The following P2RX6 variants were observed in gnomAD, a reference collection of about 807,000 sequenced individuals.
The protein encoded by P2RX6 is P2X purinoceptor 6.
A neutral mutation model predicts 54.2 loss-of-function variants in P2RX6; 62 were observed. That is an observed-to-expected ratio of 1.14 (90% CI 0.93 to 1.41). P2RX6 has a LOEUF of 1.41. Among genes scored for constraint, P2RX6 ranks in the 40% most tolerant of loss-of-function variants. P2RX6 has a pLI of 0.00. For missense variants in P2RX6, 541 were observed against 566.3 expected, an observed-to-expected ratio of 0.96 and a Z score of 0.45; for synonymous variants, 211 against 231.9, an observed-to-expected ratio of 0.91 and a Z score of 0.82.
upstream of P2RX6, among the ~76,000 whole-genome samples, chr22:21,010,889 G>C (rs1357323514): frequency 2.0e-5 from 3 of 151,764 alleles, no homozygotes; most frequent in African/African-American, 4.8e-5. Flanking sequence ...CTGGGAAACA[G>C]GCCCGCATGC....
intron 4 of P2RX6, 44 bp from the exon 5 acceptor site, chr22:21,022,898 C>T: frequency 6.4e-7 from 1 of 1,573,574 alleles, no homozygotes; most frequent in Non-Finnish European, 8.7e-7. Flanking sequence ...CCTCCCCAGG[C>T]CTGCAGAGAT....
At chr22:21,020,594 CTTTTTT>C (rs966307828) in intron 3 of P2RX6, among the ~76,000 whole-genome samples, 1 of 112,994 alleles carries the variant, frequency 8.9e-6, no homozygotes, top group Non-Finnish European at 1.8e-5. Context: ...TTTTTTTTTT[CTTTTTT>C]TTTTTTTTGA....
intron 8 of P2RX6, 25 bp from the exon 9 acceptor site, chr22:21,025,780 C>A: frequency 6.5e-7 from 1 of 1,540,340 alleles, no homozygotes; most frequent in Non-Finnish European, 8.8e-7. Flanking sequence ...AAGCAGGTCA[C>A]CAGAGCCTTC....
upstream of P2RX6, chr22:21,014,023 C>G (rs377131153): frequency 8.5e-5 from 13 of 153,116 alleles, no homozygotes; most frequent in African/African-American, 3.1e-4. Context: ...CTCCCACAAC[C>G]CCTGCGGGAG....
chr22:21,014,840 G>T (rs752384376), upstream of P2RX6, among the ~76,000 whole-genome samples: 17 of 152,128 alleles, frequency 1.1e-4, no homozygotes, highest in South Asian at 2.3e-3. Flanking sequence ...CACCCTCCCC[G>T]CCCTGCTGCT....
intron 3 of P2RX6, among the ~76,000 whole-genome samples, chr22:21,019,550 G>A (rs552950562): frequency 6.6e-6 from 1 of 152,240 alleles, no homozygotes; most frequent in Admixed American, 6.5e-5. Flanking sequence ...CTGGCCTCAG[G>A]TGACCCACCA....
chr22:21,011,600 G>A (rs1323147646), upstream of P2RX6: 15 of 714,564 alleles, frequency 2.1e-5, no homozygotes, highest in Middle Eastern at 3.4e-4. Flanking sequence ...TCTGGGGGAC[G>A]GAGCCACTCC....
At position 21,026,667 on chromosome 22, in the gene P2RX6, C is replaced by A; in HGVS notation, c.*50C>A. 6.5e-7 allele frequency: 1 copy of A among 1,530,468 alleles called. No individual in the cohort carries two copies. The highest frequency in any genetic ancestry group is 8.8e-7 in the Non-Finnish European group (1 of 1,134,936). The allele number at this position is 1,530,468 out of a possible 1,614,324, so 94.8% of individuals were successfully genotyped here. Reference sequence around the variant, plus strand: ...GGGGCTGGGAAGGGCGGGGCCCTGCCTGGGGATCTCAAGGATGAGGCCCCA... The same window carrying A: ...GGGGCTGGGAAGGGCGGGGCCCTGCATGGGGATCTCAAGGATGAGGCCCCA... On this transcript the variant is annotated 3_prime_UTR_variant, in exon 12 of 12. Transcript: ENST00000413302. The surrounding 1 kb of genome is among the most constrained non-coding windows in gnomAD (Gnocchi z 4.0).
chr22:21,022,531 G>T, intron 3 of P2RX6, 145 bp from the exon 4 acceptor site: 2 of 571,772 alleles, frequency 3.5e-6, no homozygotes, highest in South Asian at 2.8e-5. Context: ...CCACACTCAG[G>T]GTACTCTGGC....
At position 21,026,598 on chromosome 22, in the gene P2RX6, C is replaced by A; in HGVS notation, c.1307C>A (p.Thr436Asn). Residue 436 changes from threonine (T) to asparagine (N), a missense_variant, in exon 12 of 12, where the codon ACC becomes AAC. By Grantham distance (65) the Thr-to-Asn change is moderately conservative (BLOSUM62 0). Transcript: ENST00000413302. This position sits in a 1 kb window ranked among gnomAD's most constrained non-coding sequence, Gnocchi z 4.0. ...CCAAGTTCTGACACCCACTTGCCAA[C>A]CCATTCCGGGAGCCTGTAGCCGTTC... ...PCPSSDTHLPTHSGSL is the reference protein window; with the variant it reads ...PCPSSDTHLPNHSGSL The A allele has an allele frequency of 6.3e-7, 1 of 1,587,318 alleles. No homozygotes were observed. The highest frequency in any genetic ancestry group is 1.3e-5 in the African/African-American group (1 of 74,366).
intron 2 of P2RX6, 111 bp from the exon 3 acceptor site, chr22:21,017,877 GT>G (rs772701026): frequency 1.7e-4 from 127 of 733,490 alleles, no homozygotes; most frequent in Non-Finnish European, 2.9e-4. Context: ...GGGGGACAGG[GT>G]TAATGACTTG....
chr22:21,026,498 C>A lies in P2RX6; in HGVS notation c.1207C>A (p.Leu403Ile). The A allele has an allele frequency of 6.3e-7, 1 of 1,597,782 alleles. No individual in the cohort carries two copies. The highest frequency in any genetic ancestry group is 2.3e-5 in the East Asian group (1 of 43,904). ...ATCCCAAGCCCGACTGGCCGAGTGC[C>A]TCAGACGGAGCTCAGCACCTGCACC... ...LASQARLAEC[L>I]RRSSAPAPTA... The change falls in exon 12 of 12, where the codon CTC becomes ATC. Residue 403 changes from leucine to isoleucine, a missense_variant. This residue lies in a region of P2RX6 where 526 missense variants were observed against 531.5 expected (regional missense o/e 0.99). Transcript: ENST00000413302. The surrounding 1 kb of genome is among the most constrained non-coding windows in gnomAD (Gnocchi z 4.0).
intron 3 of P2RX6, chr22:21,018,330 G>A (rs916744150): frequency 4.4e-6 from 2 of 450,728 alleles, no homozygotes; most frequent in Non-Finnish European, 8.2e-6. Flanking sequence ...CAGGCCTGTG[G>A]GTGACAGGAC....
chr22:21,011,955 C>T (rs1925759217), upstream of P2RX6, among the ~76,000 whole-genome samples: 1 of 152,212 alleles, frequency 6.6e-6, no homozygotes, highest in African/African-American at 2.4e-5. Context: ...AATAATAGCC[C>T]AGGTGACTGT....
Position 21,022,714 on chromosome 22 carries a change from G to T in P2RX6, c.426G>T (p.Glu142Asp). The T allele has an allele frequency of 6.3e-7, 1 of 1,579,022 alleles. No individual in the cohort carries two copies. Among genetic ancestry groups the T allele is most frequent in the Non-Finnish European group, 8.6e-7 (1 of 1,163,604 alleles). ...CACTGGCTAACTGCTGGGTCGACGA[G>T]GACTGCCCCGAAGGGGAGGGAGGCA... is the stretch of plus-strand genomic sequence containing the variant. ...SVPLANCWVD[E>D]DCPEGEGGTH... Residue 142 changes from glutamate to aspartate, a missense_variant, in exon 4 of 12, where the codon GAG becomes GAT. Around this residue, in one of 2 missense-constraint regions of P2RX6, gnomAD observed 526 missense variants for 531.5 expected, o/e 0.99. Transcript: ENST00000413302.
chr22:21,024,112 C>T (rs1869977738), intron 8 of P2RX6, among the ~76,000 whole-genome samples: 2 of 131,618 alleles, frequency 1.5e-5, no homozygotes, highest in African/African-American at 6.0e-5. Context: ...CTCGCCACTA[C>T]TCCCAGCTAA....
upstream of P2RX6, among the ~76,000 whole-genome samples, chr22:21,010,532 T>TG (rs1171832097): frequency 6.6e-6 from 1 of 152,118 alleles, no homozygotes; most frequent in Non-Finnish European, 1.5e-5. Context: ...AGAGCTCTCC[T>TG]GGGGCATCCA....
At position 21,026,125 on chromosome 22, in the gene P2RX6, A is replaced by C. The variant is rs1310436714; in HGVS notation, c.1050+49A>C. 6.4e-7 allele frequency: 1 copy of C among 1,571,992 alleles called. No homozygotes were observed. On this transcript the variant is annotated intron_variant, in intron 10 of 11. Transcript: ENST00000413302. This position sits in a 1 kb window ranked among gnomAD's most constrained non-coding sequence, Gnocchi z 4.0. ...CTGCAGGCTGCAGTGAGTGCTGCTG[A>C]CCAGGGTGTGTCCAATGCATGCTGG...
chr22:21,012,817 C>T (rs986857080), upstream of P2RX6, among the ~76,000 whole-genome samples: 1 of 152,046 alleles, frequency 6.6e-6, no homozygotes, highest in African/African-American at 2.4e-5. Flanking sequence ...CCCACCCCCA[C>T]CTCTCCCAGA....
Sources: allele counts gnomAD v4.1 joint callset (sites outside exome capture counted in the v4.1 genomes callset), GRCh38; gene constraint gnomAD v4.1.1; regional missense constraint gnomAD v4.1.1; non-coding constraint Gnocchi (gnomAD v3.1); transcripts MANE v1.5; gene names NCBI Gene and HGNC (gene_info 2026-07-23, HGNC 2026-07-21).